Variants in MCPH1 observed in about 807,000 individuals in gnomAD.
MCPH1 encodes microcephalin 1.
MCPH1 carries 104 observed loss-of-function variants against 84.5 expected under a neutral mutation model. That is an observed-to-expected ratio of 1.23 (90% CI 1.05 to 1.45). MCPH1 has a LOEUF of 1.45. MCPH1 is among the 40% of genes most tolerant of loss of function. MCPH1 has a pLI of 0.00. For synonymous variants in MCPH1, 514 were observed against 366.8 expected, an observed-to-expected ratio of 1.40 and a Z score of -4.58; for missense variants, 1,498 against 1,005.7, an observed-to-expected ratio of 1.49 and a Z score of -6.62.
rs558423192 is a variant in MCPH1 at position 6,487,407 on chromosome 8, A to C, written c.2136+6531A>C. Among the ~76,000 whole-genome samples, 3 of 152,344 alleles carry C rather than the reference A, an allele frequency of 2.0e-5. No homozygotes were observed. In the East Asian group the frequency reaches 5.8e-4, roughly 29 times the overall value. ...ATTCCGTTCACGCCTCTCATTTTAC[A>C]TTAAAGAAATGCTGAGCCGCTCTCC... On this transcript the variant is annotated intron_variant, in intron 11 of 13. Coordinates refer to ENST00000344683, the MANE Select transcript of MCPH1 (RefSeq NM_024596.5).
At chr8:6,513,296 C>G (rs1279540364) in intron 12 of MCPH1, among the ~76,000 whole-genome samples, 1 of 151,960 alleles carries the variant, frequency 6.6e-6, no homozygotes, top group Non-Finnish European at 1.5e-5. Context: ...GGAATAGTCA[C>G]CCAGCAAACC....
rs1475739944 is a variant in MCPH1, at chr8:6,615,205, GCTTTCCGTGAGGAACTGT to G, written c.2215-6243_2215-6226del. Among the ~76,000 whole-genome samples the G allele has an allele frequency of 2.0e-5, 3 of 152,208 alleles. No homozygotes were observed. The East Asian group carries it at 5.8e-4, about 29-fold the overall frequency. Reference sequence around the variant, plus strand: ...CTCAGGACCTGAGGGGCTCCTGTGTGCTTTCCGTGAGGAACTGTCTTTCTGCTCACGACTCCATGTCAC... The same window carrying G: ...CTCAGGACCTGAGGGGCTCCTGTGTGCTTTCTGCTCACGACTCCATGTCAC... On this transcript the variant is annotated intron_variant, in intron 12 of 13. Transcript: ENST00000344683.
chr8:6,482,807 A>G (rs1354437642), intron 11 of MCPH1, among the ~76,000 whole-genome samples: 1 of 152,222 alleles, frequency 6.6e-6, no homozygotes, highest in East Asian at 1.9e-4. Context: ...TGATATGATA[A>G]AGGTGGGCAT....
intron 12 of MCPH1, among the ~76,000 whole-genome samples, chr8:6,613,174 C>T (rs1259761005): frequency 6.6e-6 from 1 of 152,168 alleles, no homozygotes; most frequent in African/African-American, 2.4e-5. Flanking sequence ...TCTGTTACTC[C>T]ACTGTCCTCA....
chr8:6,485,229 G>T (rs555298713), intron 11 of MCPH1, among the ~76,000 whole-genome samples: 1 of 152,174 alleles, frequency 6.6e-6, no homozygotes, highest in Non-Finnish European at 1.5e-5. Flanking sequence ...GGAGGCTGAG[G>T]CAGGAGAATC....
intron 12 of MCPH1, among the ~76,000 whole-genome samples, chr8:6,506,307 A>T (rs1245516966): frequency 6.6e-6 from 1 of 152,134 alleles, no homozygotes; most frequent in African/African-American, 2.4e-5. Context: ...TTCATGGTCC[A>T]GACCACTGGC....
In MCPH1 at chr8:6,521,273, A is replaced by G. The variant is rs149699486; in HGVS notation, c.2214+21344A>G. ...AACTGAATTATTCACCGTGGCAGTC[A>G]CTATTTTTTTTTCTAGTTCTTCAAT... On this transcript the variant is annotated intron_variant, in intron 12 of 13. Coordinates refer to ENST00000344683, the MANE Select transcript of MCPH1 (RefSeq NM_024596.5). 447 of 1,613,858 alleles carry G rather than the reference A, an allele frequency of 2.8e-4. 2 individuals carry two copies. In the East Asian group the frequency reaches 9.3e-3, roughly 34 times the overall value.
At position 6,409,356 on chromosome 8, in the gene MCPH1, G is replaced by A. The variant is rs1478333741; in HGVS notation, c.100G>A (p.Asp34Asn). 2 of 1,613,292 alleles carry A rather than the reference G, an allele frequency of 1.2e-6. No homozygotes were observed. The highest frequency in any genetic ancestry group is 2.7e-5 in the African/African-American group (2 of 74,894). ...AAAGACATTTACAACACAGCTTGTG[G>A]ATATGGGGGCAAAGGTAAGACACTT... Reference protein sequence around the residue: ...YSKTFTTQLVDMGAKVSKTFN... With the variant: ...YSKTFTTQLVNMGAKVSKTFN... The change falls in exon 2 of 14, where the codon GAT (aspartate) becomes AAT (asparagine). Residue 34 changes from aspartate to asparagine, a missense_variant. Transcript: ENST00000344683.
At chr8:6,572,587 C>T (rs544704140) in intron 12 of MCPH1, among the ~76,000 whole-genome samples, 3 of 152,330 alleles carry the variant, frequency 2.0e-5, no homozygotes, top group South Asian at 4.1e-4. Context: ...TAAAGACCGA[C>T]GTGCACACAC....
intron 9 of MCPH1, among the ~76,000 whole-genome samples, chr8:6,464,760 G>A (rs1386036994): frequency 1.3e-5 from 2 of 152,256 alleles, no homozygotes; most frequent in Admixed American, 6.5e-5. Context: ...CACTTTGGGA[G>A]GCCAAGGCAG....
At chr8:6,572,886 C>T (rs1205533860) in intron 12 of MCPH1, among the ~76,000 whole-genome samples, 4 of 152,226 alleles carry the variant, frequency 2.6e-5, no homozygotes, top group Admixed American at 1.3e-4. Context: ...GTAAGGGCTA[C>T]GTGAACAGCA....
intron 13 of MCPH1, among the ~76,000 whole-genome samples, chr8:6,623,714 A>AT (rs1404005754): frequency 3.3e-4 from 1 of 2,990 alleles, no homozygotes; most frequent in African/African-American, 9.8e-4. Flanking sequence ...AAAAAAAAAA[A>AT]AAAACTATTG....
At chr8:6,578,895 A>T (rs1827327751) in intron 12 of MCPH1, among the ~76,000 whole-genome samples, 1 of 152,204 alleles carries the variant, frequency 6.6e-6, no homozygotes, top group Non-Finnish European at 1.5e-5. Flanking sequence ...GGCCCATGTT[A>T]TTCCTGGAGC....
At chr8:6,429,667 G>A (rs1281098585) in intron 3 of MCPH1, among the ~76,000 whole-genome samples, 1 of 151,982 alleles carries the variant, frequency 6.6e-6, no homozygotes, top group Non-Finnish European at 1.5e-5. Context: ...CATGTGCTAA[G>A]TCCACCAGAT....
rs564294413 is a variant in MCPH1 at position 6,480,998 on chromosome 8, G to T, written c.2136+122G>T. On this transcript the variant is annotated intron_variant, in intron 11 of 13. Coordinates refer to ENST00000344683, the MANE Select transcript of MCPH1 (RefSeq NM_024596.5). ...CCCTTGTGGATCTGCACACTTTCCTGTGAGCTGGGAACACCCGTCTTTCCT... is the reference window on the plus strand; with the variant it reads ...CCCTTGTGGATCTGCACACTTTCCTTTGAGCTGGGAACACCCGTCTTTCCT... 68 of 1,193,918 alleles carry T rather than the reference G, an allele frequency of 5.7e-5. 1 individual carries two copies. The highest frequency in any genetic ancestry group is 1.9e-4 in the African/African-American group (13 of 67,084). The allele number at this position is 1,193,918 out of a possible 1,614,324, so 74.0% of individuals were successfully genotyped here. A position where few individuals can be genotyped will look rare whatever the true frequency, so the allele number is the denominator to read the frequency against.
At chr8:6,429,900 C>A (rs1471933434) in intron 3 of MCPH1, among the ~76,000 whole-genome samples, 1 of 152,160 alleles carries the variant, frequency 6.6e-6, no homozygotes, top group Non-Finnish European at 1.5e-5. Context: ...AGGACAGGGT[C>A]CAAGCTCATT....
intron 12 of MCPH1, among the ~76,000 whole-genome samples, chr8:6,578,075 C>A (rs1326416003): frequency 6.6e-6 from 1 of 152,192 alleles, no homozygotes; most frequent in African/African-American, 2.4e-5. Flanking sequence ...GTAGATCAGA[C>A]GTGTTCTCTT....
chr8:6,513,917 CAACTT>C (rs1815709412), intron 12 of MCPH1: 10 of 1,361,320 alleles, frequency 7.3e-6, no homozygotes, highest in Admixed American at 2.1e-5. Flanking sequence ...GATAGTCCGT[CAACTT>C]AACATAGAAT....
chr8:6,544,307 T>C (rs1012717019), intron 12 of MCPH1, among the ~76,000 whole-genome samples: 1 of 152,154 alleles, frequency 6.6e-6, no homozygotes, highest in African/African-American at 2.4e-5. Flanking sequence ...CCAGCAAAAA[T>C]GTTCTAAAAG....
Sources: allele counts gnomAD v4.1 joint callset (sites outside exome capture counted in the v4.1 genomes callset), GRCh38; gene constraint gnomAD v4.1.1; transcripts MANE v1.5; gene names NCBI Gene and HGNC (gene_info 2026-07-23, HGNC 2026-07-21).